Variants in KIF21A observed in about 807,000 individuals in gnomAD.
The protein encoded by KIF21A is kinesin-like protein KIF21A.
A neutral mutation model predicts 202.9 loss-of-function variants in KIF21A; 114 were observed. The observed-to-expected ratio is 0.56, with a 90% CI of 0.48 to 0.66. The LOEUF is 0.66. KIF21A is among the 30% of genes least tolerant of loss of function. The probability of loss-of-function intolerance (pLI) is 0.00; values close to 1 mark genes in which losing one functional copy is unlikely to be tolerated. For missense variants in KIF21A, 1,677 were observed against 1,994.9 expected, an observed-to-expected ratio of 0.84 and a Z score of 3.04; for synonymous variants, 667 against 670.8, an observed-to-expected ratio of 0.99 and a Z score of 0.09.
At position 39,294,344 on chromosome 12, in the gene KIF21A, G is replaced by T. The variant is rs1291747712; in HGVS notation, c.*80C>A. Reference sequence around the variant, plus strand: ...TAATCCGATTCATACGTTTTGCCTAGTAAGTACAGGACAACATTTTCCATA... The same window carrying T: ...TAATCCGATTCATACGTTTTGCCTATTAAGTACAGGACAACATTTTCCATA... On this transcript the variant is annotated 3_prime_UTR_variant, in exon 38 of 38. Coordinates refer to ENST00000361418, the MANE Select transcript of KIF21A (RefSeq NM_001173464.2). 1 of 1,047,110 alleles carries T rather than the reference G, an allele frequency of 9.6e-7. No individual in the cohort carries two copies. The highest frequency in any genetic ancestry group is 1.5e-6 in the Non-Finnish European group (1 of 666,626). The allele number at this position is 1,047,110 out of a possible 1,614,324, so 64.9% of individuals were successfully genotyped here. A position where few individuals can be genotyped will look rare whatever the true frequency, so the allele number is the denominator to read the frequency against.
intron 35 of KIF21A, among the ~76,000 whole-genome samples, chr12:39,304,532 A>G (rs1370274853): frequency 6.6e-6 from 1 of 152,220 alleles, no homozygotes; most frequent in Non-Finnish European, 1.5e-5. Context: ...GAAGATCATA[A>G]TATTTTCGGG....
intron 1 of KIF21A, among the ~76,000 whole-genome samples, chr12:39,406,691 G>A (rs1403297227): frequency 6.6e-6 from 1 of 152,124 alleles, no homozygotes; most frequent in East Asian, 1.9e-4. Flanking sequence ...GCTTCACCAT[G>A]TTAATTCATC....
intron 1 of KIF21A, among the ~76,000 whole-genome samples, chr12:39,398,323 G>A (rs1043230979): frequency 6.6e-6 from 1 of 152,300 alleles, no homozygotes. Context: ...AAATAGGCCG[G>A]ACATGGTGGT....
At chr12:39,319,270 G>A (rs1027143009) in intron 28 of KIF21A, among the ~76,000 whole-genome samples, 12 of 152,164 alleles carry the variant, frequency 7.9e-5, no homozygotes, top group African/African-American at 2.7e-4. Flanking sequence ...GGGAGGGGTG[G>A]CAGGGTAACA....
intron 1 of KIF21A, among the ~76,000 whole-genome samples, chr12:39,386,731 T>A (rs1403472114): frequency 6.6e-6 from 1 of 152,162 alleles, no homozygotes; most frequent in Non-Finnish European, 1.5e-5. Context: ...GACGTCTAAG[T>A]GAATTCAGCT....
intron 1 of KIF21A, among the ~76,000 whole-genome samples, chr12:39,375,799 T>C (rs1006541546): frequency 6.6e-6 from 1 of 152,156 alleles, no homozygotes; most frequent in Non-Finnish European, 1.5e-5. Flanking sequence ...CAGGCCTTAA[T>C]ACATACTAGC....
Position 39,396,554 on chromosome 12 carries a change from G to A in KIF21A, c.45-26293C>T, listed in dbSNP as rs1439591333. Among the ~76,000 whole-genome samples, 4 of 152,282 alleles carry A rather than the reference G, an allele frequency of 2.6e-5. No individual in the cohort carries two copies. In the South Asian group the frequency reaches 8.3e-4, roughly 32 times the overall value. ...AATGAATTAAAATGGTTAAGAAATA[G>A]AGTAATTATATGGGTACACACGTAT... On this transcript the variant is annotated intron_variant, in intron 1 of 37. Coordinates refer to ENST00000361418, the MANE Select transcript of KIF21A (RefSeq NM_001173464.2).
intron 18 of KIF21A, 49 bp from the exon 19 acceptor site, chr12:39,333,156 A>T: frequency 6.2e-7 from 1 of 1,605,858 alleles, no homozygotes; most frequent in Non-Finnish European, 8.5e-7. Flanking sequence ...ATAGAAATAC[A>T]TCATTTATCT....
intron 17 of KIF21A, among the ~76,000 whole-genome samples, chr12:39,335,567 G>C (rs1946895189): frequency 6.6e-6 from 1 of 152,228 alleles, no homozygotes; most frequent in South Asian, 2.1e-4. Context: ...TATATTCCTG[G>C]AGTAATGAAA....
Position 39,356,812 on chromosome 12 carries a change from T to C in KIF21A, c.1469+20A>G, listed in dbSNP as rs748473473. On this transcript the variant is annotated intron_variant, in intron 10 of 37. Coordinates refer to ENST00000361418, the MANE Select transcript of KIF21A (RefSeq NM_001173464.2). ...CCAAAACAAACATGTGCATTATATG[T>C]TACAGAACATGAACTATACCTGAGA... 3 of 1,029,142 alleles carry C rather than the reference T, an allele frequency of 2.9e-6. No individual in the cohort carries two copies. The highest frequency in any genetic ancestry group is 4.6e-6 in the Non-Finnish European group (3 of 651,246). The allele number at this position is 1,029,142 out of a possible 1,614,324, so 63.8% of individuals were successfully genotyped here. A position where few individuals can be genotyped will look rare whatever the true frequency, so the allele number is the denominator to read the frequency against.
At chr12:39,402,920 T>C (rs1952281368) in intron 1 of KIF21A, among the ~76,000 whole-genome samples, 1 of 152,174 alleles carries the variant, frequency 6.6e-6, no homozygotes, top group Non-Finnish European at 1.5e-5. Flanking sequence ...CTGTAAAATA[T>C]GTCATAACAC....
chr12:39,302,112 A>T (rs1266701835), intron 36 of KIF21A, among the ~76,000 whole-genome samples: 1 of 152,208 alleles, frequency 6.6e-6, no homozygotes, highest in African/African-American at 2.4e-5. Flanking sequence ...AGGCCTGAAG[A>T]TTTATGCAGA....
intron 6 of KIF21A, among the ~76,000 whole-genome samples, chr12:39,364,223 G>A (rs1007798450): frequency 1.3e-5 from 2 of 152,018 alleles, no homozygotes; most frequent in Non-Finnish European, 2.9e-5. Context: ...ACTTTGTTAG[G>A]AAAAATAGAT....
rs1209001466 is a variant in KIF21A, at chr12:39,332,972, T to C, written c.2623A>G (p.Arg875Gly). 1.9e-6 allele frequency: 3 copies of C among 1,614,192 alleles called. No homozygotes were observed. The highest frequency in any genetic ancestry group is 2.5e-6 in the Non-Finnish European group (3 of 1,180,020). ...SAAAVETDAS[R>G]TGAQQKMRIP... ...CTCATTTTCTGCTGGGCTCCTGTCC[T>C]TGATGCATCTGTTTCGACAGCAGCT... The change falls in exon 19 of 38, where the codon AGG (arginine) becomes GGG (glycine). Residue 875 changes from arginine (R) to glycine (G), a missense_variant. By Grantham distance (125) the Arg-to-Gly change is moderately radical. Around this residue, in one of 3 missense-constraint regions of KIF21A, gnomAD observed 966 missense variants for 1,180.9 expected, o/e 0.82. Transcript: ENST00000361418.
Position 39,318,143 on chromosome 12 carries a change from G to T in KIF21A, c.3838C>A (p.Pro1280Thr). ...LSPPSSPPSR[P>T]RNELNVFNRL... Reference sequence around the variant, plus strand: ...TTAAAAACATTCAGTTCATTACGGGGCCGGCTTGGTGGGGAAGAAGGAGGT... The same window carrying T: ...TTAAAAACATTCAGTTCATTACGGGTCCGGCTTGGTGGGGAAGAAGGAGGT... The change falls in exon 29 of 38, where the codon CCC becomes ACC. Residue 1280 changes from proline (P) to threonine (T), a missense_variant. Physicochemically the swap from Pro to Thr is conservative, Grantham distance 38 (BLOSUM62 -1). Coordinates refer to ENST00000361418, the MANE Select transcript of KIF21A (RefSeq NM_001173464.2). 1 of 1,613,558 alleles carries T rather than the reference G, an allele frequency of 6.2e-7. No homozygotes were observed. The highest frequency in any genetic ancestry group is 8.5e-7 in the Non-Finnish European group (1 of 1,179,544).
rs1289481164 is a variant in KIF21A, at chr12:39,309,567, A to G, written c.4277+19T>C. On this transcript the variant is annotated intron_variant, in intron 33 of 37. Transcript: ENST00000361418. The stretch of plus-strand genomic sequence containing the variant: ...AAGAGCTATTCCTCCTTTATGCTAT[A>G]TGTCTTCAAGTTACTTACGTTAGTG... The G allele has an allele frequency of 1.3e-6, 2 of 1,567,312 alleles. No individual in the cohort carries two copies. Among genetic ancestry groups the G allele is most frequent in the Admixed American group, 1.7e-5 (1 of 59,772 alleles).
At chr12:39,322,130 T>C (rs142325632) in intron 27 of KIF21A, 12 of 152,312 alleles carry the variant, frequency 7.9e-5, no homozygotes, top group African/African-American at 2.6e-4. Flanking sequence ...AAAAATATTT[T>C]TGGGGCATAC....
rs1193917194 is a variant in KIF21A, at chr12:39,333,006, A to T, written c.2589T>A (p.Gly863=). 1.9e-6 allele frequency: 3 copies of T among 1,613,882 alleles called. No individual in the cohort carries two copies. The highest frequency in any genetic ancestry group is 2.5e-6 in the Non-Finnish European group (3 of 1,179,946). Residue 863 remains glycine (G), a synonymous_variant, in exon 19 of 38, where the codon GGT becomes GGA. Coordinates refer to ENST00000361418, the MANE Select transcript of KIF21A (RefSeq NM_001173464.2). ...SSSDAPAQDT[G]SSAAAVETDA... is the part of the protein sequence containing the mutation. Reference sequence around the variant, plus strand: ...CTGTTTCGACAGCAGCTGCACTGGAACCTGTGTCCTGAGCAGGTGCATCAG... The same window carrying T: ...CTGTTTCGACAGCAGCTGCACTGGATCCTGTGTCCTGAGCAGGTGCATCAG...
At chr12:39,428,179 T>G (rs1364853822) in intron 1 of KIF21A, among the ~76,000 whole-genome samples, 1 of 152,244 alleles carries the variant, frequency 6.6e-6, no homozygotes, top group Non-Finnish European at 1.5e-5. Flanking sequence ...TTCTTAGTCA[T>G]CCTCAATAGT....
Sources: allele counts gnomAD v4.1 joint callset (sites outside exome capture counted in the v4.1 genomes callset), GRCh38; gene constraint gnomAD v4.1.1; regional missense constraint gnomAD v4.1.1; transcripts MANE v1.5; gene names NCBI Gene and HGNC (gene_info 2026-07-23, HGNC 2026-07-21).